The following COL4A2 variants were observed in gnomAD, a reference collection of about 807,000 sequenced individuals.
The protein encoded by COL4A2 is collagen type IV alpha 2 chain.
COL4A2 carries 99 observed loss-of-function variants against 200.2 expected under a neutral mutation model. That is an observed-to-expected ratio of 0.49 (90% CI 0.42 to 0.58). The LOEUF (loss-of-function observed/expected upper bound fraction) is 0.58. Among genes scored for constraint, COL4A2 ranks in the 20% least tolerant of loss-of-function variants. The pLI, the probability that COL4A2 is intolerant of heterozygous loss-of-function variation, is 0.00. For synonymous variants in COL4A2, 897 were observed against 900.6 expected (o/e 1.00, Z 0.07); for missense variants, 1,950 against 2,314.1 (o/e 0.84, Z 3.23).
intron 4 of COL4A2, among the ~76,000 whole-genome samples, chr13:110,418,928 A>G (rs896403168): frequency 6.6e-6 from 1 of 152,216 alleles, no homozygotes; most frequent in African/African-American, 2.4e-5. Context: ...AAATCAACGA[A>G]TATTTCTAAA....
At chr13:110,488,989 G>A (rs187750021) in intron 34 of COL4A2, among the ~76,000 whole-genome samples, 6 of 152,274 alleles carry the variant, frequency 3.9e-5, no homozygotes, top group African/African-American at 1.4e-4. Flanking sequence ...CAGCACTTTG[G>A]GAAGCAGAGG....
At chr13:110,345,815 G>C (rs7322134) in intron 3 of COL4A2, among the ~76,000 whole-genome samples, 8,667 of 152,244 alleles carry the variant, frequency 0.057, 766 homozygotes, top group African/African-American at 0.19. Context: ...AGTCACGTGA[G>C]TCAGATAGCA....
chr13:110,431,937 G>A (rs531202254), intron 10 of COL4A2, among the ~76,000 whole-genome samples: 1 of 152,324 alleles, frequency 6.6e-6, no homozygotes, highest in East Asian at 1.9e-4. Flanking sequence ...AGTTGGCCAA[G>A]CTACCAGGAA....
Position 110,495,345 on chromosome 13 carries a change from C to G in COL4A2, c.3638C>G (p.Ser1213Cys). ...TGCTGTTATAACTCTTCCACAGGTTCTGACATCCACGGAGACCCAGGCTTC... is the reference window on the plus strand; with the variant it reads ...TGCTGTTATAACTCTTCCACAGGTTGTGACATCCACGGAGACCCAGGCTTC... Reference protein sequence around the residue: ...GTKGFPGSPGSDIHGDPGFPG... With the variant: ...GTKGFPGSPGCDIHGDPGFPG... Residue 1213 changes from serine to cysteine, a missense_variant, in exon 40 of 48, where the codon TCT becomes TGT. Ser to Cys is a moderately radical substitution (Grantham distance 112, BLOSUM62 -1). Coordinates refer to ENST00000360467, the MANE Select transcript of COL4A2 (RefSeq NM_001846.4). 6.2e-7 allele frequency: 1 copy of G among 1,614,142 alleles called. No individual in the cohort carries two copies. The highest frequency in any genetic ancestry group is 8.5e-7 in the Non-Finnish European group (1 of 1,180,018).
chr13:110,336,934 G>T (rs972590583), intron 3 of COL4A2, among the ~76,000 whole-genome samples: 4 of 152,276 alleles, frequency 2.6e-5, no homozygotes, highest in Admixed American at 2.0e-4. Context: ...GGTTGCCTCT[G>T]TGCTCCTTCA....
chr13:110,478,761 CT>C (rs1248835853), intron 30 of COL4A2, among the ~76,000 whole-genome samples: 1 of 152,152 alleles, frequency 6.6e-6, no homozygotes, highest in East Asian at 1.9e-4. Context: ...AATCAATGTA[CT>C]TTCCCCCCTT....
chr13:110,433,342 G>A (rs1358779601), intron 11 of COL4A2, among the ~76,000 whole-genome samples: 1 of 152,364 alleles, frequency 6.6e-6, no homozygotes, highest in East Asian at 1.9e-4. Flanking sequence ...GCCCAGGCGT[G>A]AGCCTCAGAT....
chr13:110,355,451 T>G lies in COL4A2; in HGVS notation c.100-2021T>G, dbSNP rs865956182. Among the ~76,000 whole-genome samples the G allele has an allele frequency of 2.3e-3, 110 of 48,874 alleles. 2 individuals carry two copies. The highest frequency in any genetic ancestry group is 3.5e-3 in the Admixed American group (13 of 3,742). 32.1% of individuals were successfully genotyped at this position (48,874 alleles called of 152,430 possible). On this transcript the variant is annotated intron_variant, in intron 3 of 47. Transcript: ENST00000360467. ...GGCTGTACTAGCTCACCTGTGTGTG[T>G]GGGGGAGGGCTGCACTAGCTCACCT...
intron 21 of COL4A2, 68 bp from the exon 22 acceptor site, chr13:110,458,703 G>A: frequency 6.3e-7 from 1 of 1,599,084 alleles, no homozygotes; most frequent in Non-Finnish European, 8.5e-7. Flanking sequence ...CCCGCTGCCT[G>A]ATACCCCTCT....
intron 3 of COL4A2, among the ~76,000 whole-genome samples, chr13:110,326,474 G>A (rs1332943228): frequency 6.6e-6 from 1 of 151,968 alleles, no homozygotes; most frequent in Non-Finnish European, 1.5e-5. Context: ...GGCAAGTACT[G>A]CCCAAAGTGT....
intron 19 of COL4A2, among the ~76,000 whole-genome samples, 191 bp from the exon 20 acceptor site, chr13:110,450,114 A>G (rs1356943429): frequency 6.6e-6 from 1 of 152,182 alleles, no homozygotes; most frequent in Non-Finnish European, 1.5e-5. Flanking sequence ...CCATTATTTG[A>G]GGGGCAAGGA....
At chr13:110,409,923 G>A (rs1054744440) in intron 4 of COL4A2, among the ~76,000 whole-genome samples, 1 of 152,156 alleles carries the variant, frequency 6.6e-6, no homozygotes, top group Non-Finnish European at 1.5e-5. Context: ...CCCCGGCGTG[G>A]TGAAACCCGG....
intron 4 of COL4A2, among the ~76,000 whole-genome samples, chr13:110,399,164 T>C (rs1879285315): frequency 6.6e-6 from 1 of 152,212 alleles, no homozygotes; most frequent in Admixed American, 6.5e-5. Context: ...ATTGAACACC[T>C]ATCACATTTT....
rs1296286918 is a variant in COL4A2 at position 110,432,333 on chromosome 13, T to TG, written c.659dup (p.Pro221ThrfsTer19). ...TCTTTGTATTTGTACAGGGACCACC[T>TG]GGACCCCCTGGACCAAAAGGACAGC... is the stretch of plus-strand genomic sequence containing the variant. On this transcript the variant is annotated frameshift_variant, in exon 11 of 48. Coordinates refer to ENST00000360467, the MANE Select transcript of COL4A2 (RefSeq NM_001846.4). LOFTEE classifies it high-confidence loss of function. 6.2e-7 allele frequency: 1 copy of TG among 1,611,324 alleles called. No individual in the cohort carries two copies. The highest frequency in any genetic ancestry group is 1.7e-4 in the Middle Eastern group (1 of 6,052).
intron 4 of COL4A2, among the ~76,000 whole-genome samples, chr13:110,367,086 G>A (rs187360962): frequency 5.3e-5 from 8 of 152,304 alleles, no homozygotes; most frequent in Admixed American, 4.6e-4. Context: ...TAGGAGAATG[G>A]CAGCAGCCAG....
chr13:110,439,842 G>A lies in COL4A2; in HGVS notation c.957+9G>A, dbSNP rs773056175. 3.1e-6 allele frequency: 5 copies of A among 1,613,752 alleles called. No homozygotes were observed. Among genetic ancestry groups the A allele is most frequent in the Admixed American group, 1.7e-5 (1 of 59,946 alleles). ...GATCACCAGGACAGAAGGTAAGTTG[G>A]ATGCATGAACTGCAGTCTGCTCTGG... is the stretch of plus-strand genomic sequence containing the variant. On this transcript the variant is annotated intron_variant, in intron 16 of 47. Transcript: ENST00000360467.
intron 47 of COL4A2, 45 bp from the exon 48 acceptor site, chr13:110,511,886 CCTG>C (rs1198735756): frequency 6.2e-7 from 1 of 1,611,892 alleles, no homozygotes; most frequent in African/African-American, 1.3e-5. Context: ...CCCCGTGCCA[CCTG>C]CAGGCTGTGA....
Position 110,370,751 on chromosome 13 carries a change from C to G in COL4A2, c.180+13199C>G, listed in dbSNP as rs188623379. 6.5e-4 allele frequency among the ~76,000 whole-genome samples: 99 copies of G among 152,330 alleles called. 1 individual carries two copies. Among genetic ancestry groups the G allele is most frequent in the Non-Finnish European group, 8.8e-5 (6 of 68,016 alleles). Reference sequence around the variant, plus strand: ...GTTCTTCTGCCCTTGATTTTCCTCTCTCCCTCTCTCCTACTTGTCTAATAC... The same window carrying G: ...GTTCTTCTGCCCTTGATTTTCCTCTGTCCCTCTCTCCTACTTGTCTAATAC... On this transcript the variant is annotated intron_variant, in intron 4 of 47. Transcript: ENST00000360467.
intron 3 of COL4A2, among the ~76,000 whole-genome samples, chr13:110,316,377 G>A (rs1885129388): frequency 6.6e-6 from 1 of 152,192 alleles, no homozygotes; most frequent in Non-Finnish European, 1.5e-5. Flanking sequence ...GAAAGGAGAT[G>A]CCGATTGGCA....
Sources: allele counts gnomAD v4.1 joint callset (sites outside exome capture counted in the v4.1 genomes callset), GRCh38; gene constraint gnomAD v4.1.1; transcripts MANE v1.5; gene names NCBI Gene and HGNC (gene_info 2026-07-23, HGNC 2026-07-21).